The following MAMDC2 variants were observed in gnomAD, a reference collection of about 807,000 sequenced individuals.
MAMDC2 encodes the protein MAM domain containing 2.
A neutral mutation model predicts 89.8 loss-of-function variants in MAMDC2; 57 were observed. The ratio of observed to expected loss-of-function variants is 0.63; its 90% CI spans 0.51 to 0.79. The LOEUF (loss-of-function observed/expected upper bound fraction) is 0.79. Among genes scored for constraint, MAMDC2 ranks in the 30% least tolerant of loss-of-function variants. The probability of loss-of-function intolerance (pLI) is 0.00; values close to 1 mark genes in which losing one functional copy is unlikely to be tolerated. For synonymous variants in MAMDC2, 313 were observed against 293.4 expected (o/e 1.07, Z -0.68); for missense variants, 800 against 820.6 (o/e 0.97, Z 0.31).
chr9:70,051,258 G>A (rs910327639), intron 2 of MAMDC2, among the ~76,000 whole-genome samples: 7 of 152,118 alleles, frequency 4.6e-5, no homozygotes, highest in African/African-American at 1.7e-4. Flanking sequence ...TCCTTATGAA[G>A]GCCAACACCC....
chr9:70,166,616 T>A (rs1281673741), intron 9 of MAMDC2, among the ~76,000 whole-genome samples: 1 of 152,150 alleles, frequency 6.6e-6, no homozygotes, highest in Non-Finnish European at 1.5e-5. Context: ...CGTAGTTCAT[T>A]TATTTCTTCT....
chr9:70,178,505 G>T (rs1223745849), intron 11 of MAMDC2, among the ~76,000 whole-genome samples: 2 of 152,026 alleles, frequency 1.3e-5, no homozygotes, highest in African/African-American at 4.8e-5. Flanking sequence ...GAGTTTTGGG[G>T]GATACATCCA....
chr9:70,217,344 C>T, intron 11 of MAMDC2: 1 of 1,382,430 alleles, frequency 7.2e-7, no homozygotes, highest in Non-Finnish European at 1.0e-6. Context: ...GGCAGATAAA[C>T]TGGACTGTCC....
intron 2 of MAMDC2, among the ~76,000 whole-genome samples, chr9:70,068,011 C>T (rs1365653016): frequency 3.9e-5 from 6 of 152,124 alleles, no homozygotes; most frequent in Admixed American, 1.3e-4. Flanking sequence ...CTGTGTATCC[C>T]ATAAAGAGTC....
chr9:70,098,580 G>T (rs537132240), intron 2 of MAMDC2, among the ~76,000 whole-genome samples: 1 of 152,306 alleles, frequency 6.6e-6, no homozygotes, highest in South Asian at 2.1e-4. Context: ...TATTTGTGGA[G>T]AAGCCCAAAT....
chr9:70,159,281 A>G (rs1043758567), intron 9 of MAMDC2, among the ~76,000 whole-genome samples: 5 of 152,194 alleles, frequency 3.3e-5, no homozygotes, highest in African/African-American at 1.2e-4. Flanking sequence ...GTTATGCACA[A>G]AGATTTAGCT....
chr9:70,195,237 CA>C (rs2032955012), intron 11 of MAMDC2, among the ~76,000 whole-genome samples: 1 of 151,950 alleles, frequency 6.6e-6, no homozygotes, highest in Admixed American at 6.6e-5. Flanking sequence ...CAATAAAGAC[CA>C]AAAAGCAAAC....
rs564818005 is a variant in MAMDC2, at chr9:70,180,343, C to T, written c.1651+9712C>T. ...AAACATATGTGTGCATGTGTCTTTA[C>T]AGTAGAATGATTTATAATCCTTTGG... is the stretch of plus-strand genomic sequence containing the variant. On this transcript the variant is annotated intron_variant, in intron 11 of 13. Coordinates refer to ENST00000377182, the MANE Select transcript of MAMDC2 (RefSeq NM_153267.5). 2.0e-5 allele frequency among the ~76,000 whole-genome samples: 3 copies of T among 152,194 alleles called. No homozygotes were observed. The South Asian group carries it at 6.2e-4, about 32-fold the overall frequency.
chr9:70,199,584 T>G (rs2033053928), intron 11 of MAMDC2, among the ~76,000 whole-genome samples: 1 of 109,224 alleles, frequency 9.2e-6, no homozygotes, highest in African/African-American at 3.1e-5. Flanking sequence ...GATGGCTGGG[T>G]CAAATGGTAT....
intron 11 of MAMDC2, among the ~76,000 whole-genome samples, chr9:70,202,258 T>G (rs943906016): frequency 6.6e-6 from 1 of 151,272 alleles, no homozygotes; most frequent in Non-Finnish European, 1.5e-5. Context: ...GTTGTGTCTT[T>G]GTTCTCGTTG....
At chr9:70,072,043 T>A (rs1479659403) in intron 2 of MAMDC2, among the ~76,000 whole-genome samples, 1 of 152,170 alleles carries the variant, frequency 6.6e-6, no homozygotes, top group East Asian at 1.9e-4. Flanking sequence ...TAAAACCTTA[T>A]CGAGTTTATT....
Position 70,218,450 on chromosome 9 carries a change from A to G in MAMDC2, c.1765A>G (p.Met589Val). ...ACACTGCTTGACCTTTTTCTACCAC[A>G]TGTATGGAGGGGGCACTGGCCTGCT... ...GKHCLTFFYH[M>V]YGGGTGLLSV... Residue 589 changes from methionine to valine, a missense_variant, in exon 12 of 14, where the codon ATG becomes GTG. Met to Val is a conservative substitution (Grantham distance 21). Coordinates refer to ENST00000377182, the MANE Select transcript of MAMDC2 (RefSeq NM_153267.5). The G allele has an allele frequency of 6.2e-7, 1 of 1,614,118 alleles. No homozygotes were observed. Among genetic ancestry groups the G allele is most frequent in the Non-Finnish European group, 8.5e-7 (1 of 1,180,012 alleles).
chr9:70,075,866 G>C (rs1376270615), intron 2 of MAMDC2, among the ~76,000 whole-genome samples: 1 of 152,242 alleles, frequency 6.6e-6, no homozygotes, highest in Non-Finnish European at 1.5e-5. Context: ...CTGTCTGGAA[G>C]AATGCAGGCA....
intron 2 of MAMDC2, among the ~76,000 whole-genome samples, chr9:70,089,849 A>C (rs1827849014): frequency 6.6e-6 from 1 of 152,212 alleles, no homozygotes; most frequent in Non-Finnish European, 1.5e-5. Context: ...GTCCTCCTGC[A>C]AATGGTAGCT....
At chr9:70,074,343 C>G (rs1300550382) in intron 2 of MAMDC2, among the ~76,000 whole-genome samples, 2 of 152,202 alleles carry the variant, frequency 1.3e-5, no homozygotes, top group Non-Finnish European at 2.9e-5. Flanking sequence ...GAAAAGCAGA[C>G]AGTTAAACCA....
intron 2 of MAMDC2, 65 bp downstream of exon 2, chr9:70,044,762 C>T (rs1403972941): frequency 2.6e-6 from 3 of 1,133,234 alleles, no homozygotes; most frequent in Non-Finnish European, 3.9e-6. Flanking sequence ...GCTTTTTTTT[C>T]CCACATGGGT....
At chr9:70,066,066 A>G (rs1827255249) in intron 2 of MAMDC2, among the ~76,000 whole-genome samples, 1 of 152,220 alleles carries the variant, frequency 6.6e-6, no homozygotes, top group African/African-American at 2.4e-5. Flanking sequence ...GACATTCACA[A>G]ACACATAAAT....
At chr9:70,145,359 A>T (rs1327871543) in intron 9 of MAMDC2, among the ~76,000 whole-genome samples, 1 of 152,206 alleles carries the variant, frequency 6.6e-6, no homozygotes, top group African/African-American at 2.4e-5. Flanking sequence ...AATATCAAAT[A>T]ATTTTTGAAC....
intron 11 of MAMDC2, among the ~76,000 whole-genome samples, chr9:70,199,278 C>A (rs2033046143): frequency 7.7e-6 from 1 of 130,474 alleles, no homozygotes; most frequent in Non-Finnish European, 1.6e-5. Flanking sequence ...TCCATTCCCA[C>A]CTATGAGTGA....
Sources: gnomAD v4.1 joint callset for allele counts (sites outside exome capture counted in the v4.1 genomes callset) on GRCh38, gnomAD v4.1.1 for gene constraint, MANE v1.5 for transcripts, NCBI Gene and HGNC (gene_info 2026-07-23, HGNC 2026-07-21) for gene names.